SHCBP1L: variants seen among roughly 807,000 people sequenced by gnomAD.
The protein encoded by SHCBP1L is testicular spindle-associated protein SHCBP1L.
In SHCBP1L, 67 loss-of-function variants were observed where a neutral mutation model predicts 62.5. The observed-to-expected ratio is 1.07, with a 90% CI of 0.88 to 1.31. The LOEUF (loss-of-function observed/expected upper bound fraction) is 1.31. Ranked by LOEUF, SHCBP1L falls within the 40% of genes most tolerant of loss-of-function variation. The pLI, the probability that SHCBP1L is intolerant of heterozygous loss-of-function variation, is 0.00. For missense variants in SHCBP1L, 823 were observed against 809.8 expected (o/e 1.02, Z -0.20); for synonymous variants, 284 against 289.4 (o/e 0.98, Z 0.19).
At chr1:182,928,425 AG>A (rs1195645696) in intron 6 of SHCBP1L, among the ~76,000 whole-genome samples, 8 of 152,216 alleles carry the variant, frequency 5.3e-5, no homozygotes, top group Non-Finnish European at 1.2e-4. Flanking sequence ...GTCATGATAA[AG>A]GAAAGTGTCA....
chr1:182,915,964 G>T (rs1270705386), intron 6 of SHCBP1L, among the ~76,000 whole-genome samples: 2 of 151,844 alleles, frequency 1.3e-5, no homozygotes, highest in African/African-American at 2.4e-5. Context: ...CCGCCATCAC[G>T]CCCGGCTAAT....
At chr1:182,920,160 C>T (rs2101932112) in intron 6 of SHCBP1L, among the ~76,000 whole-genome samples, 2 of 152,310 alleles carry the variant, frequency 1.3e-5, no homozygotes, top group Middle Eastern at 6.8e-3. Flanking sequence ...CTTTGGTTAG[C>T]ACTCACCATC....
chr1:182,951,319 T>G lies in SHCBP1L; in HGVS notation c.554A>C (p.Glu185Ala). 6.5e-7 allele frequency: 1 copy of G among 1,546,492 alleles called. No homozygotes were observed. Among genetic ancestry groups the G allele is most frequent in the South Asian group, 1.3e-5 (1 of 77,742 alleles). ...AAAGATCAAATAAAATTTATTTACC[T>G]CAACCAATATACCAACAAAAGGGAT... ...ASIPFVGILV[E>A]VTCEPYQDSS... The change falls in exon 2 of 10, where the codon GAG becomes GCG. Residue 185 changes from glutamate to alanine, a missense_variant and splice_region_variant. Transcript: ENST00000367547.
At chr1:182,920,046 G>A (rs10911161) in intron 6 of SHCBP1L, among the ~76,000 whole-genome samples, 6,069 of 152,110 alleles carry the variant, frequency 0.04, 296 homozygotes, top group African/African-American at 0.11. Flanking sequence ...TCCCACCCTC[G>A]CTGGCACCCT....
chr1:182,952,496 C>A (rs1225551905), intron 1 of SHCBP1L: 17 of 495,150 alleles, frequency 3.4e-5, no homozygotes, highest in Non-Finnish European at 5.9e-5. Flanking sequence ...CAGGGCTGTC[C>A]CGTTACCTGA....
chr1:182,901,372 G>A (rs768188533), intron 9 of SHCBP1L, among the ~76,000 whole-genome samples: 12 of 152,246 alleles, frequency 7.9e-5, no homozygotes, highest in Non-Finnish European at 1.2e-4. Context: ...CAGGAAAATC[G>A]CTTGAACCTG....
Position 182,900,140 on chromosome 1 carries a change from A to C in SHCBP1L, c.1805T>G (p.Phe602Cys), listed in dbSNP as rs768275874. 9.3e-6 allele frequency: 15 copies of C among 1,612,412 alleles called. No homozygotes were observed. The South Asian group carries it at 1.7e-4, about 18-fold the overall frequency. ...GTTGAGAGCTTCTTCTGCTACGATA[A>C]AAAACTGTTCCATTGGTTGAAGAAT... ...VSILQPMEQFFIVAEEALNKR... is the reference protein window; with the variant it reads ...VSILQPMEQFCIVAEEALNKR... Residue 602 changes from phenylalanine (F) to cysteine (C), a missense_variant, in exon 10 of 10, where the codon TTT becomes TGT. By Grantham distance (205) the Phe-to-Cys change is radical. Coordinates refer to ENST00000367547, the MANE Select transcript of SHCBP1L (RefSeq NM_030933.4).
Position 182,899,878 on chromosome 1 carries a change from T to A in SHCBP1L, c.*105A>T. ...TCAGTGAAAGCATGATATTTAAATA[T>A]TTTTTAATTAAGCTTTGAATTGAAA... On this transcript the variant is annotated 3_prime_UTR_variant, in exon 10 of 10. Transcript: ENST00000367547. The A allele has an allele frequency of 4.2e-6, 4 of 949,718 alleles. No individual in the cohort carries two copies. The highest frequency in any genetic ancestry group is 6.0e-6 in the Non-Finnish European group (4 of 668,772). 58.8% of individuals were successfully genotyped at this position (949,718 alleles called of 1,614,324 possible). A position where few individuals can be genotyped will look rare whatever the true frequency, so the allele number is the denominator to read the frequency against.
rs1231506554 is a variant in SHCBP1L, at chr1:182,903,733, G to A, written c.1587+447C>T. Among the ~76,000 whole-genome samples, 7 of 152,058 alleles carry A rather than the reference G, an allele frequency of 4.6e-5. No homozygotes were observed. The East Asian group carries it at 1.2e-3, about 25-fold the overall frequency. The stretch of plus-strand genomic sequence containing the variant: ...GCTGGTCTCAAACTTCAGCTCAAGT[G>A]ATCCTCCCGTCTCAGCTCCTAAAGT... On this transcript the variant is annotated intron_variant, in intron 8 of 9. Transcript: ENST00000367547.
chr1:182,904,367 G>T lies in SHCBP1L; in HGVS notation c.1400C>A (p.Ser467Tyr). ...CATTAGTTTCACATTGTCAGCTTTG[G>T]ACACCACAAAACTGTCACGAGAAGG... ...SEPSRDSFVV[S>Y]KADNVKLMHL... is the part of the protein sequence containing the mutation. The change falls in exon 8 of 10, where the codon TCC (serine) becomes TAC (tyrosine). Residue 467 changes from serine to tyrosine, a missense_variant. Physicochemically the swap from Ser to Tyr is moderately radical, Grantham distance 144. Transcript: ENST00000367547. 1 of 1,614,070 alleles carries T rather than the reference G, an allele frequency of 6.2e-7. No individual in the cohort carries two copies.
chr1:182,910,108 GA>G (rs1351434589), intron 6 of SHCBP1L, among the ~76,000 whole-genome samples: 1 of 152,176 alleles, frequency 6.6e-6, no homozygotes, highest in African/African-American at 2.4e-5. Context: ...ACACAAGGAA[GA>G]GATGACAGCA....
intron 6 of SHCBP1L, among the ~76,000 whole-genome samples, chr1:182,922,886 A>G (rs1650567291): frequency 6.6e-6 from 1 of 152,180 alleles, no homozygotes; most frequent in Admixed American, 6.5e-5. Flanking sequence ...TAGAAGAAGA[A>G]AAATAACCAA....
chr1:182,938,662 G>A (rs1397431878), intron 5 of SHCBP1L, among the ~76,000 whole-genome samples: 4 of 152,042 alleles, frequency 2.6e-5, no homozygotes, highest in African/African-American at 7.2e-5. Flanking sequence ...TTGTAGAGAT[G>A]GGGCCTCAAT....
At chr1:182,930,921 T>C (rs543596119) in intron 5 of SHCBP1L, among the ~76,000 whole-genome samples, 2 of 143,064 alleles carry the variant, frequency 1.4e-5, no homozygotes, top group South Asian at 4.5e-4. Flanking sequence ...AGGCAGGGTC[T>C]CATTACATTG....
chr1:182,927,186 A>T (rs2101939708), intron 6 of SHCBP1L, among the ~76,000 whole-genome samples: 1 of 149,840 alleles, frequency 6.7e-6, no homozygotes. Flanking sequence ...GCTTTGCCTA[A>T]GATTGTTTAT....
At chr1:182,916,477 G>A (rs893281672) in intron 6 of SHCBP1L, among the ~76,000 whole-genome samples, 5 of 151,860 alleles carry the variant, frequency 3.3e-5, no homozygotes, top group African/African-American at 1.2e-4. Context: ...AGAGAAAGAG[G>A]AGGCACAAAC....
intron 5 of SHCBP1L, among the ~76,000 whole-genome samples, chr1:182,937,277 C>T (rs1422374207): frequency 6.6e-6 from 1 of 152,012 alleles, no homozygotes; most frequent in African/African-American, 2.4e-5. Flanking sequence ...TTCTTGCTCA[C>T]ATTTGAAGAA....
chr1:182,939,323 T>C lies in SHCBP1L; in HGVS notation c.929A>G (p.Tyr310Cys). ...AQRFKKTLEK[Y>C]KNKRVELIEY... ...AATGAGCTCGACACGTTTGTTTTTA[T>C]ATTTCTCCAAAGTTTTTTTAAAACG... is the stretch of plus-strand genomic sequence containing the variant. The change falls in exon 5 of 10, where the codon TAT (tyrosine) becomes TGT (cysteine). Residue 310 changes from tyrosine to cysteine, a missense_variant. Transcript: ENST00000367547. 1.9e-6 allele frequency: 3 copies of C among 1,614,046 alleles called. No individual in the cohort carries two copies. The highest frequency in any genetic ancestry group is 2.5e-6 in the Non-Finnish European group (3 of 1,179,964).
At chr1:182,924,717 A>AAAGGAAAGGAAGGG (rs1650634969) in intron 6 of SHCBP1L, among the ~76,000 whole-genome samples, 3 of 58,748 alleles carry the variant, frequency 5.1e-5, no homozygotes, top group African/African-American at 4.5e-4. Flanking sequence ...AGAAAGAAAG[A>AAAGGAAAGGAAGGG]AAGAAAGAAA....
Sources: gnomAD v4.1 joint callset for allele counts (sites outside exome capture counted in the v4.1 genomes callset) on GRCh38, gnomAD v4.1.1 for gene constraint, MANE v1.5 for transcripts, NCBI Gene and HGNC (gene_info 2026-07-23, HGNC 2026-07-21) for gene names.